Variants in CCDC85A observed in about 807,000 individuals in gnomAD.
CCDC85A encodes coiled-coil domain containing 85A.
In CCDC85A, 38 loss-of-function variants were observed where a neutral mutation model predicts 50.2. That is an observed-to-expected ratio of 0.76 (90% confidence interval 0.58 to 0.99). The LOEUF (loss-of-function observed/expected upper bound fraction) is 0.99. Among genes scored for constraint, CCDC85A ranks in the 50% least tolerant of loss-of-function variants. The probability of loss-of-function intolerance (pLI) is 0.00; values close to 1 mark genes in which losing one functional copy is unlikely to be tolerated. For missense variants in CCDC85A, 820 were observed against 742.0 expected, an observed-to-expected ratio of 1.11 and a Z score of -1.22; for synonymous variants, 366 against 301.4, an observed-to-expected ratio of 1.21 and a Z score of -2.22.
chr2:56,260,145 T>C (rs1185990243), intron 2 of CCDC85A, among the ~76,000 whole-genome samples: 1 of 152,066 alleles, frequency 6.6e-6, no homozygotes, highest in African/African-American at 2.4e-5. Context: ...ACCAGAAAAA[T>C]ACCAATGTGA....
intron 2 of CCDC85A, among the ~76,000 whole-genome samples, chr2:56,316,564 A>T (rs1368211956): frequency 6.6e-6 from 1 of 151,664 alleles, no homozygotes; most frequent in Non-Finnish European, 1.5e-5. Context: ...TGGTGTAGAT[A>T]TGATCTTAGT....
At position 56,213,159 on chromosome 2, in the gene CCDC85A, G is replaced by C. The variant is rs539102556; in HGVS notation, c.1240+19719G>C. ...AGTGAAGAGCTCTCAACTGACTCTA[G>C]TCTTGGTTAGGGCTCCATACTTTTG... is the stretch of plus-strand genomic sequence containing the variant. On this transcript the variant is annotated intron_variant, in intron 2 of 5. Transcript: ENST00000407595. 1.8e-4 allele frequency among the ~76,000 whole-genome samples: 28 copies of C among 152,078 alleles called. No homozygotes were observed. The South Asian group carries it at 5.6e-3, about 30-fold the overall frequency.
In CCDC85A at chr2:56,336,309, A is replaced by G. The variant is rs532119783; in HGVS notation, c.1241-6570A>G. On this transcript the variant is annotated intron_variant, in intron 2 of 5. Transcript: ENST00000407595. ...AGCGGGAGTACAGGCATGCACCACC[A>G]CACCTGGCTAATTTTTGTATTTTTA... Among the ~76,000 whole-genome samples, 7 of 152,104 alleles carry G rather than the reference A, an allele frequency of 4.6e-5. No homozygotes were observed. In the South Asian group the frequency reaches 1.0e-3, roughly 23 times the overall value.
chr2:56,184,575 G>C lies in CCDC85A; in HGVS notation c.-50G>C. On this transcript the variant is annotated 5_prime_UTR_variant, in exon 1 of 6. Coordinates refer to ENST00000407595, the MANE Select transcript of CCDC85A (RefSeq NM_001080433.2). ...GGCCTCGCCGCGCCCGCGCCTTCGG[G>C]AGTCGCCTCGCCTCTTCCACCCACT... The C allele has an allele frequency of 1.5e-6, 2 of 1,365,718 alleles. No homozygotes were observed. The highest frequency in any genetic ancestry group is 1.9e-6 in the Non-Finnish European group (2 of 1,069,314). The allele number at this position is 1,365,718 out of a possible 1,614,324, so 84.6% of individuals were successfully genotyped here. A position where few individuals can be genotyped will look rare whatever the true frequency, so the allele number is the denominator to read the frequency against.
At chr2:56,263,362 AGGTAGAATAATTTACTTTTTGCCTTG>A (rs1670299899) in intron 2 of CCDC85A, among the ~76,000 whole-genome samples, 1 of 152,236 alleles carries the variant, frequency 6.6e-6, no homozygotes, top group Non-Finnish European at 1.5e-5. Flanking sequence ...GCTTGGAGAC[AGGTAGAATAATTTACTTTTTGCCTTG>A]TGCTCCCTTT....
chr2:56,367,673 G>A (rs939425593), intron 3 of CCDC85A, among the ~76,000 whole-genome samples: 7 of 152,066 alleles, frequency 4.6e-5, no homozygotes, highest in Admixed American at 2.0e-4. Flanking sequence ...AGGCATTTTT[G>A]CCAAATGTTT....
At chr2:56,377,906 T>C (rs1004998260) in intron 5 of CCDC85A, among the ~76,000 whole-genome samples, 3 of 149,262 alleles carry the variant, frequency 2.0e-5, no homozygotes, top group Admixed American at 6.7e-5. Context: ...AAAAAAAAGA[T>C]ATATATGTTT....
chr2:56,324,170 A>G (rs1055510281), intron 2 of CCDC85A, among the ~76,000 whole-genome samples: 1 of 152,060 alleles, frequency 6.6e-6, no homozygotes, highest in Non-Finnish European at 1.5e-5. Context: ...TTTCTCAGTA[A>G]ATCTGCTAAG....
intron 2 of CCDC85A, among the ~76,000 whole-genome samples, chr2:56,212,886 A>C (rs146904059): frequency 1.3e-3 from 194 of 152,126 alleles, no homozygotes; most frequent in Middle Eastern, 6.8e-3. Context: ...CCTTATTTAT[A>C]AAGTGTAGGT....
At chr2:56,375,513 A>G (rs1336799996) in intron 4 of CCDC85A, among the ~76,000 whole-genome samples, 1 of 151,954 alleles carries the variant, frequency 6.6e-6, no homozygotes, top group East Asian at 1.9e-4. Flanking sequence ...TGAATTTCCT[A>G]CTCTTAAGTA....
intron 2 of CCDC85A, among the ~76,000 whole-genome samples, chr2:56,228,183 T>A (rs1203207987): frequency 2.0e-5 from 3 of 152,210 alleles, no homozygotes; most frequent in Non-Finnish European, 4.4e-5. Flanking sequence ...CTCTGTGATA[T>A]GGGCAAGTCT....
rs533967904 is a variant in CCDC85A at position 56,362,199 on chromosome 2, T to C, written c.1318-10145T>C. On this transcript the variant is annotated intron_variant, in intron 3 of 5. Transcript: ENST00000407595. ...CCTGGGAAGAATTGAGGATGACTTC[T>C]TGGATTTTGATCTCAGCAATCATAT... Among the ~76,000 whole-genome samples the C allele has an allele frequency of 9.9e-5, 15 of 152,222 alleles. No homozygotes were observed. The South Asian group carries it at 1.9e-3, about 19-fold the overall frequency.
intron 3 of CCDC85A, among the ~76,000 whole-genome samples, chr2:56,348,841 C>T (rs1295923157): frequency 1.3e-5 from 2 of 152,122 alleles, no homozygotes; most frequent in East Asian, 1.9e-4. Flanking sequence ...AGATATGTAT[C>T]GTTTTGCCTC....
At chr2:56,363,206 T>C (rs1675623902) in intron 3 of CCDC85A, among the ~76,000 whole-genome samples, 1 of 152,216 alleles carries the variant, frequency 6.6e-6, no homozygotes, top group Admixed American at 6.5e-5. Flanking sequence ...TAAGAGCTCA[T>C]GCTTCCATGA....
At chr2:56,316,464 ATTTTAT>A (rs1672926905) in intron 2 of CCDC85A, among the ~76,000 whole-genome samples, 1 of 152,046 alleles carries the variant, frequency 6.6e-6, no homozygotes, top group African/African-American at 2.4e-5. Context: ...ACTTACCTGA[ATTTTAT>A]TTTTAACTTT....
chr2:56,361,378 C>T (rs879313910), intron 3 of CCDC85A, among the ~76,000 whole-genome samples: 48 of 152,176 alleles, frequency 3.2e-4, no homozygotes, highest in Admixed American at 9.8e-4. Context: ...TGTACAGATA[C>T]TGTTTGAGAA....
intron 2 of CCDC85A, among the ~76,000 whole-genome samples, chr2:56,224,508 G>C (rs116198816): frequency 0.059 from 8,985 of 152,210 alleles, 331 homozygotes; most frequent in South Asian, 0.11. Context: ...CATGATCTAT[G>C]TGTAACATTT....
chr2:56,208,925 A>G (rs1402064832), intron 2 of CCDC85A, among the ~76,000 whole-genome samples: 1 of 152,064 alleles, frequency 6.6e-6, no homozygotes, highest in Non-Finnish European at 1.5e-5. Context: ...CTTCATTTAT[A>G]ATCCAGCTAA....
At chr2:56,304,761 G>A (rs1672356762) in intron 2 of CCDC85A, among the ~76,000 whole-genome samples, 2 of 151,808 alleles carry the variant, frequency 1.3e-5, no homozygotes, top group African/African-American at 2.4e-5. Context: ...AAACTGTATG[G>A]GATAAGGCTG....
Sources: allele counts gnomAD v4.1 joint callset (sites outside exome capture counted in the v4.1 genomes callset), GRCh38; gene constraint gnomAD v4.1.1; transcripts MANE v1.5; gene names NCBI Gene and HGNC (gene_info 2026-07-23, HGNC 2026-07-21).